The following DCAF8L2 variants were observed in gnomAD, a reference collection of about 807,000 sequenced individuals.
DCAF8L2 encodes DDB1- and CUL4-associated factor 8-like protein 2.
For missense variants in DCAF8L2, 430 were observed against 490.7 expected, an observed-to-expected ratio of 0.88 and a Z score of 1.17; for synonymous variants, 200 against 190.9, an observed-to-expected ratio of 1.05 and a Z score of -0.39.
chrX:27,478,577 G>A, the DCAF8L2 span, among the ~76,000 whole-genome samples: 1 of 112,024 alleles, frequency 8.9e-6, no homozygotes, highest in Non-Finnish European at 1.9e-5. Context: ...GGGTAAAATA[G>A]TCAAACTATT....
rs779171774 is a variant in DCAF8L2 at position 27,594,444 on chromosome X, AAT to A, written c.-342+4016_-342+4017del. Among the ~76,000 whole-genome samples the A allele has an allele frequency of 3.1e-4, 34 of 110,608 alleles. No individual in the cohort carries two copies. In the East Asian group the frequency reaches 3.4e-3, roughly 11 times the overall value. On this transcript the variant is annotated intron_variant, in intron 1 of 4. Transcript: ENST00000451261. ...CTCAGAATCTTGAAAGAATACTGAG[AAT>A]ATATATATATACGTACAGACTCTCA...
At chrX:27,704,476 A>T (rs939337124) in intron 3 of DCAF8L2, among the ~76,000 whole-genome samples, 2 of 110,038 alleles carry the variant, frequency 1.8e-5, no homozygotes, top group Non-Finnish European at 3.8e-5. Flanking sequence ...CGGTCAAATA[A>T]ATAGAATTAG....
At chrX:27,627,202 A>G (rs773479582) in intron 1 of DCAF8L2, 1 of 111,480 alleles carries the variant, frequency 9.0e-6, no homozygotes, top group African/African-American at 3.3e-5. Flanking sequence ...TTCTACAATT[A>G]TCCAAGCCTA....
chrX:27,497,364 G>T, the DCAF8L2 span, among the ~76,000 whole-genome samples: 1 of 111,063 alleles, frequency 9.0e-6, no homozygotes, highest in East Asian at 2.8e-4. Context: ...TAGTTGAGTA[G>T]TGTTAAATAT....
At chrX:27,607,319 T>G (rs1345765895) in intron 1 of DCAF8L2, among the ~76,000 whole-genome samples, 1 of 111,793 alleles carries the variant, frequency 8.9e-6, no homozygotes, top group Admixed American at 9.6e-5. Context: ...AATTCTGTTT[T>G]GTGGAGCCTG....
At chrX:27,702,969 A>G (rs1294344174) in intron 3 of DCAF8L2, among the ~76,000 whole-genome samples, 1 of 111,665 alleles carries the variant, frequency 9.0e-6, no homozygotes, top group Non-Finnish European at 1.9e-5. Context: ...CTCGAAAACT[A>G]TAGGAACTAA....
the DCAF8L2 span, among the ~76,000 whole-genome samples, chrX:27,537,621 T>G: frequency 8.9e-6 from 1 of 112,463 alleles, no homozygotes; most frequent in African/African-American, 3.2e-5. Context: ...CACCATAATG[T>G]GGTAAATGCA....
chrX:27,515,592 T>C, the DCAF8L2 span, among the ~76,000 whole-genome samples: 2 of 112,140 alleles, frequency 1.8e-5, no homozygotes, highest in Non-Finnish European at 3.8e-5. Context: ...TGCAAATGGT[T>C]CTTGTTTAGA....
intron 3 of DCAF8L2, among the ~76,000 whole-genome samples, chrX:27,691,154 G>C (rs1930696945): frequency 9.0e-6 from 1 of 111,355 alleles, no homozygotes; most frequent in African/African-American, 3.3e-5. Flanking sequence ...AAACATTTAA[G>C]ATCTAAATCA....
chrX:27,638,130 A>T (rs1928574179), intron 2 of DCAF8L2, among the ~76,000 whole-genome samples: 2 of 112,247 alleles, frequency 1.8e-5, no homozygotes, highest in African/African-American at 6.5e-5. Flanking sequence ...AGCAAGGCTG[A>T]TGAGAAATCC....
At chrX:27,554,546 T>C in the DCAF8L2 span, among the ~76,000 whole-genome samples, 2 of 111,843 alleles carry the variant, frequency 1.8e-5, no homozygotes, top group Non-Finnish European at 3.8e-5. Flanking sequence ...ACAAACCCTA[T>C]TGTACTAGAA....
chrX:27,613,607 T>C (rs1191358480), intron 1 of DCAF8L2, among the ~76,000 whole-genome samples: 1 of 111,211 alleles, frequency 9.0e-6, no homozygotes, highest in Non-Finnish European at 1.9e-5. Flanking sequence ...ATAGCTCTTA[T>C]TATTTTGAGA....
chrX:27,469,184 G>T, the DCAF8L2 span, among the ~76,000 whole-genome samples: 1 of 112,131 alleles, frequency 8.9e-6, no homozygotes, highest in African/African-American at 3.2e-5. Flanking sequence ...TTTAGGCACT[G>T]ACTTTCAGTG....
chrX:27,704,732 T>C (rs1186444817), intron 3 of DCAF8L2, among the ~76,000 whole-genome samples: 1 of 111,771 alleles, frequency 8.9e-6, no homozygotes, highest in Non-Finnish European at 1.9e-5. Flanking sequence ...AATGATTTCA[T>C]TATGTATGTG....
the DCAF8L2 span, among the ~76,000 whole-genome samples, chrX:27,563,038 G>C: frequency 2.7e-5 from 3 of 111,708 alleles, no homozygotes; most frequent in East Asian, 8.4e-4. Context: ...TGAATATGAA[G>C]TGTTGATAGA....
At chrX:27,582,552 G>A in the DCAF8L2 span, among the ~76,000 whole-genome samples, 2 of 111,343 alleles carry the variant, frequency 1.8e-5, no homozygotes. Context: ...TGATTTGAAT[G>A]AAGTTATGCA....
rs141543822 is a variant in DCAF8L2, at chrX:27,716,131, T to C, written c.-99T>C. On this transcript the variant is annotated 5_prime_UTR_variant, in exon 4 of 5. Coordinates refer to ENST00000451261, the MANE Select transcript of DCAF8L2 (RefSeq NM_001353450.2). ...AGGTCCATTAACTCTTTCAGGACGG[T>C]GTGGAATCAGTGGGGAAATCTCTAA... 31 of 111,825 alleles carry C rather than the reference T, an allele frequency of 2.8e-4. No individual in the cohort carries two copies. The highest frequency in any genetic ancestry group is 1.0e-3 in the African/African-American group (31 of 30,772). The allele number at this position is 111,825 out of a possible 1,213,427, so 9.2% of individuals were successfully genotyped here. A position where few individuals can be genotyped will look rare whatever the true frequency, so the allele number is the denominator to read the frequency against.
intron 3 of DCAF8L2, among the ~76,000 whole-genome samples, chrX:27,693,444 T>A (rs979556020): frequency 8.9e-6 from 1 of 111,917 alleles, no homozygotes; most frequent in Non-Finnish European, 1.9e-5. Flanking sequence ...TCACCTGATA[T>A]ATAACTTCTA....
At chrX:27,680,978 C>CA (rs1930305587) in intron 3 of DCAF8L2, among the ~76,000 whole-genome samples, 1 of 111,661 alleles carries the variant, frequency 9.0e-6, no homozygotes, top group Non-Finnish European at 1.9e-5. Flanking sequence ...TTTGCTGAAG[C>CA]TTGGACTGAA....
Sources: gnomAD v4.1 joint callset for allele counts (sites outside exome capture counted in the v4.1 genomes callset) on GRCh38, gnomAD v4.1.1 for gene constraint, MANE v1.5 for transcripts, NCBI Gene and HGNC (gene_info 2026-07-23, HGNC 2026-07-21) for gene names.